The following TRPC7 variants were observed in gnomAD, a reference collection of about 807,000 sequenced individuals.
TRPC7 encodes the protein transient receptor potential cation channel subfamily C member 7.
TRPC7 carries 42 observed loss-of-function variants against 90.1 expected under a neutral mutation model. That is an observed-to-expected ratio of 0.47 (90% CI 0.36 to 0.60). The LOEUF is 0.60. TRPC7 is among the 20% of genes least tolerant of loss of function. The pLI is 0.00. For missense variants in TRPC7, 955 were observed against 1,112.3 expected, an observed-to-expected ratio of 0.86 and a Z score of 2.01; for synonymous variants, 451 against 436.3, an observed-to-expected ratio of 1.03 and a Z score of -0.42.
intron 3 of TRPC7, among the ~76,000 whole-genome samples, chr5:136,287,687 CAAAAAAAAAAAAAAAAAAAAAAAAAAA>C (rs767031610): frequency 8.4e-5 from 5 of 59,520 alleles, no homozygotes; most frequent in African/African-American, 1.2e-4. Context: ...AGTGGATGCT[CAAAAAAAAAAAAAAAAAAAAAAAAAAA>C]AAAAAAAAAA....
rs79075481 is a variant in TRPC7, at chr5:136,247,764, G to A, written c.1580-29C>T. ...AAAGAAAACAATCTGGGTTACTCAC[G>A]AGGCCACAGGATCTATTCTAGAAGA... is the stretch of plus-strand genomic sequence containing the variant. On this transcript the variant is annotated intron_variant, in intron 6 of 11. Transcript: ENST00000513104. This position sits in a 1 kb window ranked among gnomAD's most constrained non-coding sequence, Gnocchi z 4.2. 10,145 of 1,599,852 alleles carry A rather than the reference G, an allele frequency of 6.3e-3. 330 individuals are homozygous for A. In the African/African-American group the frequency reaches 0.09, roughly 14 times the overall value.
chr5:136,357,084 T>C lies in TRPC7; in HGVS notation c.304A>G (p.Asn102Asp). The change falls in exon 2 of 12, where the codon AAC (asparagine) becomes GAC (aspartate). Residue 102 changes from asparagine to aspartate, a missense_variant. Asn to Asp is a conservative substitution (Grantham distance 23). This residue lies in a region of TRPC7 where 161 missense variants were observed against 145.7 expected (regional missense o/e 1.10). Transcript: ENST00000513104. Reference sequence around the variant, plus strand: ...AGCGCGTCCCCCACCCGTGCCAGGTTCTCCTTCTTCAGCAGCAGCTCCGTG... The same window carrying C: ...AGCGCGTCCCCCACCCGTGCCAGGTCCTCCTTCTTCAGCAGCAGCTCCGTG... ...EVTELLLKKE[N>D]LARVGDALLL... 6.2e-7 allele frequency: 1 copy of C among 1,613,918 alleles called. No homozygotes were observed. Among genetic ancestry groups the C allele is most frequent in the East Asian group, 2.2e-5 (1 of 44,858 alleles).
chr5:136,355,131 G>A (rs1272272355), intron 2 of TRPC7, among the ~76,000 whole-genome samples: 4 of 152,214 alleles, frequency 2.6e-5, no homozygotes, highest in Non-Finnish European at 4.4e-5. Flanking sequence ...TGTAGCACAT[G>A]ATAGTCTCTG....
At chr5:136,320,756 C>T (rs1759172104) in intron 2 of TRPC7, among the ~76,000 whole-genome samples, 1 of 152,182 alleles carries the variant, frequency 6.6e-6, no homozygotes, top group Non-Finnish European at 1.5e-5. Context: ...GACCTTTACA[C>T]TGGCTATTCC....
intron 3 of TRPC7, among the ~76,000 whole-genome samples, 157 bp downstream of exon 3, chr5:136,315,440 C>T (rs1263691247): frequency 6.6e-6 from 1 of 152,036 alleles, no homozygotes; most frequent in Non-Finnish European, 1.5e-5. Flanking sequence ...ATCCTAGCAG[C>T]CCTGTGAAGC....
intron 7 of TRPC7, among the ~76,000 whole-genome samples, chr5:136,233,554 T>C (rs188671840): frequency 5.3e-5 from 8 of 152,288 alleles, no homozygotes; most frequent in Non-Finnish European, 1.2e-4. Flanking sequence ...GGCCGTGATC[T>C]CTCTTAGAGT....
In TRPC7 at chr5:136,216,249, T is replaced by C. The variant is rs749498066; in HGVS notation, c.2370A>G (p.Arg790=). 94 of 1,613,298 alleles carry C rather than the reference T, an allele frequency of 5.8e-5. 1 individual carries two copies. In the South Asian group the frequency reaches 9.5e-4, roughly 16 times the overall value. Residue 790 remains arginine, a synonymous_variant, in exon 11 of 12, where the codon AGA becomes AGG. Coordinates refer to ENST00000513104, the MANE Select transcript of TRPC7 (RefSeq NM_020389.3). ...TGTCCACCTGGGCTTTCAGGACGTATCTTTTTATGAGCCGTTTCATGATTT... is the reference window on the plus strand; with the variant it reads ...TGTCCACCTGGGCTTTCAGGACGTACCTTTTTATGAGCCGTTTCATGATTT... ...YQKIMKRLIK[R]YVLKAQVDRE...
At chr5:136,273,530 A>C (rs1358792028) in intron 4 of TRPC7, among the ~76,000 whole-genome samples, 1 of 152,182 alleles carries the variant, frequency 6.6e-6, no homozygotes, top group African/African-American at 2.4e-5. Flanking sequence ...CCCTGTACCT[A>C]CTGTGAGGCA....
intron 3 of TRPC7, among the ~76,000 whole-genome samples, chr5:136,284,785 A>T (rs1757657397): frequency 6.6e-6 from 1 of 152,206 alleles, no homozygotes; most frequent in African/African-American, 2.4e-5. Context: ...TGAAGGCTAC[A>T]CCCAGGCCAC....
chr5:136,220,664 A>G (rs1360879506), intron 10 of TRPC7, among the ~76,000 whole-genome samples: 2 of 150,552 alleles, frequency 1.3e-5, no homozygotes, highest in East Asian at 3.9e-4. Context: ...TTGCCTTGTG[A>G]TCTTTGCTTT....
chr5:136,325,066 G>GT (rs5871601), intron 2 of TRPC7, among the ~76,000 whole-genome samples: 1 of 152,094 alleles, frequency 6.6e-6, no homozygotes, highest in African/African-American at 2.4e-5. Flanking sequence ...TTTAGGATGA[G>GT]TTTTTTTTAA....
chr5:136,272,354 G>A (rs1249868805), intron 4 of TRPC7, among the ~76,000 whole-genome samples: 1 of 152,190 alleles, frequency 6.6e-6, no homozygotes, highest in East Asian at 1.9e-4. Context: ...TTTGTCACAT[G>A]GCAGATGTGA....
At chr5:136,249,517 A>T (rs1756453277) in intron 6 of TRPC7, among the ~76,000 whole-genome samples, 1 of 152,226 alleles carries the variant, frequency 6.6e-6, no homozygotes, top group Non-Finnish European at 1.5e-5. Context: ...TCTCCCGTTA[A>T]ACAGAAGGCA....
chr5:136,345,573 G>A (rs1759980570), intron 2 of TRPC7, among the ~76,000 whole-genome samples: 2 of 151,900 alleles, frequency 1.3e-5, no homozygotes, highest in African/African-American at 4.8e-5. Flanking sequence ...AAAAAAAAAT[G>A]AGTCCTTTGT....
At chr5:136,256,047 T>C (rs1476130978) in intron 5 of TRPC7, among the ~76,000 whole-genome samples, 1 of 152,208 alleles carries the variant, frequency 6.6e-6, no homozygotes, top group African/African-American at 2.4e-5. Context: ...AACCTGTATA[T>C]TTAGAGGGAT....
chr5:136,308,024 G>A (rs772638886), intron 3 of TRPC7, among the ~76,000 whole-genome samples: 3 of 152,170 alleles, frequency 2.0e-5, no homozygotes, highest in Non-Finnish European at 2.9e-5. Flanking sequence ...TGAAGAACTT[G>A]GGACTTGAAC....
At chr5:136,274,632 A>G (rs779282415) in intron 4 of TRPC7, 41 bp downstream of exon 4, 1 of 1,539,010 alleles carries the variant, frequency 6.5e-7, no homozygotes, top group Non-Finnish European at 8.7e-7. Context: ...AGAAGAGAGA[A>G]GAAATAACCG....
At chr5:136,333,265 G>A (rs1175448340) in intron 2 of TRPC7, among the ~76,000 whole-genome samples, 1 of 150,116 alleles carries the variant, frequency 6.7e-6, no homozygotes, top group Non-Finnish European at 1.5e-5. Flanking sequence ...TTGTTGCTGA[G>A]TCTGAAGGCT....
At chr5:136,302,993 A>G (rs186126223) in intron 3 of TRPC7, among the ~76,000 whole-genome samples, 3 of 152,050 alleles carry the variant, frequency 2.0e-5, no homozygotes, top group Admixed American at 2.0e-4. Flanking sequence ...GCTAGGTCCT[A>G]ATTCTTCCTC....
Sources: gnomAD v4.1 joint callset for allele counts (sites outside exome capture counted in the v4.1 genomes callset) on GRCh38, gnomAD v4.1.1 for gene constraint, gnomAD v4.1.1 regional missense constraint, Gnocchi (gnomAD v3.1) non-coding constraint, MANE v1.5 for transcripts, NCBI Gene and HGNC (gene_info 2026-07-23, HGNC 2026-07-21) for gene names.